The following ARHGAP15 variants were observed in gnomAD, a reference collection of about 807,000 sequenced individuals.
ARHGAP15 encodes the protein rho GTPase-activating protein 15.
A neutral mutation model predicts 63.7 loss-of-function variants in ARHGAP15; 51 were observed. The observed-to-expected ratio is 0.80, with a 90% CI of 0.64 to 1.01. The LOEUF (loss-of-function observed/expected upper bound fraction) is 1.01. Ranked by LOEUF, ARHGAP15 falls within the 50% of genes least tolerant of loss-of-function variation. ARHGAP15 has a pLI of 0.00. For missense variants in ARHGAP15, 560 were observed against 564.6 expected, an observed-to-expected ratio of 0.99 and a Z score of 0.08; for synonymous variants, 191 against 193.8, an observed-to-expected ratio of 0.99 and a Z score of 0.12.
At chr2:143,216,587 T>C in intron 4 of ARHGAP15, 142 bp downstream of exon 4, 1 of 591,458 alleles carries the variant, frequency 1.7e-6, no homozygotes, top group East Asian at 2.9e-5. Context: ...TGATCAACAT[T>C]ATTTTTAATG....
At chr2:143,406,869 A>G (rs1275107007) in intron 6 of ARHGAP15, among the ~76,000 whole-genome samples, 1 of 151,802 alleles carries the variant, frequency 6.6e-6, no homozygotes, top group Non-Finnish European at 1.5e-5. Flanking sequence ...TCCATCTTCT[A>G]TTAGTTTCTG....
chr2:143,494,341 G>T (rs965086055), intron 9 of ARHGAP15, among the ~76,000 whole-genome samples: 2 of 151,914 alleles, frequency 1.3e-5, no homozygotes, highest in African/African-American at 4.8e-5. Flanking sequence ...TTCTAGATTT[G>T]TTTCCCATTC....
intron 10 of ARHGAP15, among the ~76,000 whole-genome samples, chr2:143,532,111 A>C (rs1411625989): frequency 6.6e-6 from 1 of 152,222 alleles, no homozygotes; most frequent in African/African-American, 2.4e-5. Context: ...TGGTGTTAAC[A>C]AAACAGTGAC....
intron 11 of ARHGAP15, chr2:143,564,273 T>TTTGCTA (rs1696138460): frequency 6.6e-6 from 1 of 152,194 alleles, no homozygotes; most frequent in Admixed American, 6.5e-5. Context: ...CTTTGCTACC[T>TTTGCTA]ACTGTTGGTT....
At chr2:143,477,714 A>G (rs749685187) in intron 8 of ARHGAP15, among the ~76,000 whole-genome samples, 40 of 152,208 alleles carry the variant, frequency 2.6e-4, no homozygotes, top group Non-Finnish European at 4.4e-4. Flanking sequence ...CACACTTGAA[A>G]AAAAGGAAGA....
intron 9 of ARHGAP15, among the ~76,000 whole-genome samples, chr2:143,489,525 C>CTT (rs796558457): frequency 2.2e-4 from 34 of 152,028 alleles, no homozygotes; most frequent in African/African-American, 8.2e-4. Context: ...TTTTTTAAGG[C>CTT]TTTTACTAAG....
At chr2:143,389,133 TA>T (rs1381653063) in intron 6 of ARHGAP15, among the ~76,000 whole-genome samples, 40 of 148,704 alleles carry the variant, frequency 2.7e-4, no homozygotes, top group African/African-American at 8.1e-4. Flanking sequence ...TTATTATTAT[TA>T]TTTTTTATTA....
intron 6 of ARHGAP15, among the ~76,000 whole-genome samples, chr2:143,253,468 A>G (rs1382084252): frequency 6.6e-5 from 10 of 152,046 alleles, no homozygotes; most frequent in Admixed American, 4.6e-4. Flanking sequence ...AAATCCTATC[A>G]AACTGTTGAC....
chr2:143,133,070 T>C (rs354716), intron 1 of ARHGAP15, among the ~76,000 whole-genome samples: 70,447 of 152,048 alleles, frequency 0.46, 17,943 homozygotes, highest in Middle Eastern at 0.59. Flanking sequence ...ATTTTTGCAT[T>C]CCTGTTATTT....
At chr2:143,601,691 C>T (rs1697777272) in intron 11 of ARHGAP15, 1 of 152,046 alleles carries the variant, frequency 6.6e-6, no homozygotes, top group South Asian at 2.1e-4. Flanking sequence ...TCCTAAAAGC[C>T]ATATTTCAGG....
intron 12 of ARHGAP15, among the ~76,000 whole-genome samples, chr2:143,629,441 A>G (rs763381822): frequency 2.6e-5 from 4 of 152,206 alleles, no homozygotes; most frequent in Non-Finnish European, 5.9e-5. Flanking sequence ...TGAAGGCATT[A>G]TTAGTACTGT....
At chr2:143,604,851 AATG>A (rs1697923204) in intron 11 of ARHGAP15, among the ~76,000 whole-genome samples, 1 of 152,158 alleles carries the variant, frequency 6.6e-6, no homozygotes, top group African/African-American at 2.4e-5. Flanking sequence ...AGAGAAAAGT[AATG>A]ATAATACCGT....
rs942820089 is a variant in ARHGAP15 at position 143,528,582 on chromosome 2, G to GA, written c.925+9227dup. 1.5e-4 allele frequency among the ~76,000 whole-genome samples: 22 copies of GA among 151,252 alleles called. 1 individual carries two copies. Among genetic ancestry groups the GA allele is most frequent in the South Asian group, 4.2e-4 (2 of 4,810 alleles). On this transcript the variant is annotated intron_variant, in intron 10 of 13. Coordinates refer to ENST00000295095, the MANE Select transcript of ARHGAP15 (RefSeq NM_018460.4). ...TTTCCTCCAAATTTACTTCCTAGCA[G>GA]AAAAAAAAAGTTAAACTCTGCTGTT... is the stretch of plus-strand genomic sequence containing the variant.
chr2:143,159,420 C>G, intron 2 of ARHGAP15, among the ~76,000 whole-genome samples: 1 of 151,786 alleles, frequency 6.6e-6, no homozygotes, highest in East Asian at 1.9e-4. Context: ...TAGGGCTTGT[C>G]CATGTTTACT....
At chr2:143,251,385 C>A (rs761176189) in intron 6 of ARHGAP15, among the ~76,000 whole-genome samples, 1 of 151,822 alleles carries the variant, frequency 6.6e-6, no homozygotes, top group Non-Finnish European at 1.5e-5. Context: ...AATTAAATGT[C>A]TTCTGAGAGC....
At chr2:143,165,480 G>A (rs1018805439) in intron 2 of ARHGAP15, among the ~76,000 whole-genome samples, 1 of 152,026 alleles carries the variant, frequency 6.6e-6, no homozygotes, top group Non-Finnish European at 1.5e-5. Context: ...AATATAGGAA[G>A]ACAGGAAAAC....
At chr2:143,518,620 A>G (rs1037288674) in intron 9 of ARHGAP15, among the ~76,000 whole-genome samples, 5 of 152,188 alleles carry the variant, frequency 3.3e-5, no homozygotes, top group African/African-American at 1.2e-4. Flanking sequence ...TCATCTATTA[A>G]CAGCCTGAGG....
intron 8 of ARHGAP15, among the ~76,000 whole-genome samples, chr2:143,449,929 G>A (rs1690328372): frequency 6.6e-6 from 1 of 151,740 alleles, no homozygotes; most frequent in Admixed American, 6.6e-5. Context: ...TTTTAAAAAT[G>A]TTTTGGACAG....
intron 11 of ARHGAP15, among the ~76,000 whole-genome samples, chr2:143,576,497 A>G (rs1423666575): frequency 6.6e-6 from 1 of 152,118 alleles, no homozygotes; most frequent in Non-Finnish European, 1.5e-5. Flanking sequence ...CACACCATGC[A>G]CTTTATGTTT....
Sources: gnomAD v4.1 joint callset for allele counts (sites outside exome capture counted in the v4.1 genomes callset) on GRCh38, gnomAD v4.1.1 for gene constraint, MANE v1.5 for transcripts, NCBI Gene and HGNC (gene_info 2026-07-23, HGNC 2026-07-21) for gene names.